PARD3B: variants seen among roughly 807,000 people sequenced by gnomAD.
The protein encoded by PARD3B is partitioning defective 3 homolog B.
PARD3B carries 103 observed loss-of-function variants against 130.2 expected under a neutral mutation model. The ratio of observed to expected loss-of-function variants is 0.79; its 90% CI spans 0.67 to 0.93. PARD3B has a LOEUF of 0.93. Ranked by LOEUF, PARD3B falls within the 40% of genes least tolerant of loss-of-function variation. The pLI, the probability that PARD3B is intolerant of heterozygous loss-of-function variation, is 0.00. For synonymous variants in PARD3B, 583 were observed against 553.2 expected (o/e 1.05, Z -0.76); for missense variants, 1,609 against 1,499.2 (o/e 1.07, Z -1.21).
intron 1 of PARD3B, among the ~76,000 whole-genome samples, chr2:204,576,450 A>G (rs2032264373): frequency 6.6e-6 from 1 of 152,124 alleles, no homozygotes. Context: ...GTTGCGGCAA[A>G]GTTTTTTTTC....
At chr2:204,570,326 T>C (rs1430028026) in intron 1 of PARD3B, among the ~76,000 whole-genome samples, 1 of 152,180 alleles carries the variant, frequency 6.6e-6, no homozygotes, top group Non-Finnish European at 1.5e-5. Flanking sequence ...CAGCTTTAAC[T>C]TCTCAGTGGG....
chr2:205,217,996 G>A (rs1194798022), intron 15 of PARD3B, among the ~76,000 whole-genome samples: 1 of 149,226 alleles, frequency 6.7e-6, no homozygotes. Flanking sequence ...GGGTTCAAGC[G>A]ATTCTTCTGC....
chr2:204,610,462 T>C lies in PARD3B; in HGVS notation c.120+64343T>C, dbSNP rs1450196633. On this transcript the variant is annotated intron_variant, in intron 1 of 22. Transcript: ENST00000406610. This position sits in a 1 kb window ranked among gnomAD's most constrained non-coding sequence, Gnocchi z 4.1. ...CCTCGACCTCCCATGTTAAAGCGAT[T>C]CTCCTGCGTCAGCCTCCCGAGTGGC... is the stretch of plus-strand genomic sequence containing the variant. 6.6e-6 allele frequency among the ~76,000 whole-genome samples: 1 copy of C among 152,186 alleles called. No homozygotes were observed. Among genetic ancestry groups the C allele is most frequent in the Non-Finnish European group, 1.5e-5 (1 of 68,034 alleles).
Position 204,884,881 on chromosome 2 carries a change from A to T in PARD3B, c.223-80271A>T, listed in dbSNP as rs192192217. Among the ~76,000 whole-genome samples, 45 of 152,266 alleles carry T rather than the reference A, an allele frequency of 3.0e-4. No homozygotes were observed. The East Asian group carries it at 4.8e-3, about 16-fold the overall frequency. ...CATATTTTCTTTATCCAGTCTATTG[A>T]TGAGCATTTGAGTTGATTCCATGTC... On this transcript the variant is annotated intron_variant, in intron 2 of 22. Transcript: ENST00000406610.
At chr2:205,469,622 C>G (rs1304752249) in intron 20 of PARD3B, among the ~76,000 whole-genome samples, 1 of 152,184 alleles carries the variant, frequency 6.6e-6, no homozygotes, top group Non-Finnish European at 1.5e-5. Flanking sequence ...GCTGATACCT[C>G]AAGAGGAAAG....
intron 3 of PARD3B, among the ~76,000 whole-genome samples, chr2:205,005,755 A>G (rs1199303465): frequency 1.3e-5 from 2 of 152,246 alleles, no homozygotes; most frequent in Non-Finnish European, 1.5e-5. Flanking sequence ...AATAAAAAAC[A>G]ACAACTTAAT....
At chr2:205,469,274 A>C (rs2048742614) in intron 20 of PARD3B, among the ~76,000 whole-genome samples, 3 of 151,962 alleles carry the variant, frequency 2.0e-5, no homozygotes, top group Non-Finnish European at 2.9e-5. Flanking sequence ...TATTGGACAT[A>C]CTCTTGGACT....
intron 20 of PARD3B, among the ~76,000 whole-genome samples, chr2:205,498,016 A>AACACACACACACACACACACACACACAC (rs57531393): frequency 7.0e-6 from 1 of 141,972 alleles, no homozygotes; most frequent in African/African-American, 2.6e-5. Flanking sequence ...GTCTCTACTA[A>AACACACACACACACACACACACACACAC]ACACACACAC....
Position 205,012,500 on chromosome 2 carries a change from T to C in PARD3B, c.395-35081T>C, listed in dbSNP as rs941425097. ...TGGATTATGCTTTCCATGACTCTTT[T>C]GATTTCTGGCTGCTTTAGAATGTAG... is the stretch of plus-strand genomic sequence containing the variant. On this transcript the variant is annotated intron_variant, in intron 3 of 22. Transcript: ENST00000406610. 2.0e-5 allele frequency among the ~76,000 whole-genome samples: 3 copies of C among 152,184 alleles called. No individual in the cohort carries two copies. In the South Asian group the frequency reaches 6.2e-4, roughly 32 times the overall value.
intron 2 of PARD3B, among the ~76,000 whole-genome samples, chr2:204,844,291 T>C (rs1359079891): frequency 6.6e-6 from 1 of 152,162 alleles, no homozygotes; most frequent in Non-Finnish European, 1.5e-5. Context: ...ATAATTTTAG[T>C]ACCACTACGA....
chr2:204,855,420 T>C (rs1190813834), intron 2 of PARD3B, among the ~76,000 whole-genome samples: 1 of 151,836 alleles, frequency 6.6e-6, no homozygotes, highest in Admixed American at 6.6e-5. Flanking sequence ...CGTGTACCTG[T>C]AGTCTCAGCT....
intron 1 of PARD3B, among the ~76,000 whole-genome samples, chr2:204,600,725 TA>T (rs2033475636): frequency 6.6e-6 from 1 of 151,908 alleles, no homozygotes; most frequent in African/African-American, 2.4e-5. Flanking sequence ...TTTCAGTTTT[TA>T]AAAGTAACAT....
In PARD3B at chr2:205,421,172, A is replaced by G. The variant is rs144212290; in HGVS notation, c.2742-19198A>G. Among the ~76,000 whole-genome samples the G allele has an allele frequency of 2.5e-3, 374 of 152,220 alleles. 7 individuals are homozygous for G. Among genetic ancestry groups the G allele is most frequent in the African/African-American group, 8.6e-3 (358 of 41,546 alleles). ...AAACAAAAAAAACGGAAAAGAAAAT[A>G]TGTGCTGTATATTGGGAGATGATAA... is the stretch of plus-strand genomic sequence containing the variant. On this transcript the variant is annotated intron_variant, in intron 19 of 22. Coordinates refer to ENST00000406610, the MANE Select transcript of PARD3B (RefSeq NM_001302769.2). This position sits in a 1 kb window ranked among gnomAD's most constrained non-coding sequence, Gnocchi z 5.1.
chr2:204,656,090 A>G (rs1185372972), intron 1 of PARD3B, among the ~76,000 whole-genome samples: 1 of 152,072 alleles, frequency 6.6e-6, no homozygotes, highest in East Asian at 1.9e-4. Flanking sequence ...TAGGCTCAGA[A>G]CTGGCACACT....
At chr2:205,588,630 C>T (rs1165606266) in intron 22 of PARD3B, among the ~76,000 whole-genome samples, 2 of 152,162 alleles carry the variant, frequency 1.3e-5, no homozygotes, top group South Asian at 4.2e-4. Flanking sequence ...TCACCCGTAA[C>T]CTTGATGCTA....
At chr2:204,655,860 G>T (rs1043143321) in intron 1 of PARD3B, among the ~76,000 whole-genome samples, 3 of 152,158 alleles carry the variant, frequency 2.0e-5, no homozygotes, top group African/African-American at 7.2e-5. Flanking sequence ...TTACTCATTT[G>T]TCCACGGTTA....
intron 12 of PARD3B, among the ~76,000 whole-genome samples, chr2:205,174,631 AC>A (rs1181878809): frequency 2.6e-5 from 4 of 152,216 alleles, no homozygotes; most frequent in Non-Finnish European, 5.9e-5. Flanking sequence ...AGTATCCATA[AC>A]CTAGAAAAAG....
At chr2:205,134,070 C>T (rs1357274393) in intron 10 of PARD3B, among the ~76,000 whole-genome samples, 1 of 152,108 alleles carries the variant, frequency 6.6e-6, no homozygotes, top group Non-Finnish European at 1.5e-5. Context: ...AGCATCCACC[C>T]TTTTACTATG....
At chr2:205,220,286 T>C (rs1240422189) in intron 15 of PARD3B, among the ~76,000 whole-genome samples, 1 of 152,162 alleles carries the variant, frequency 6.6e-6, no homozygotes, top group Non-Finnish European at 1.5e-5. Flanking sequence ...CCTTCCTTTC[T>C]CTTCCGCCTG....
Sources: allele counts gnomAD v4.1 joint callset (sites outside exome capture counted in the v4.1 genomes callset), GRCh38; gene constraint gnomAD v4.1.1; non-coding constraint Gnocchi (gnomAD v3.1); transcripts MANE v1.5; gene names NCBI Gene and HGNC (gene_info 2026-07-23, HGNC 2026-07-21).